Variants in TFF1 observed in about 807,000 individuals in gnomAD.
TFF1 encodes breast cancer estrogen-inducible protein.
Under a neutral mutation model 7.7 loss-of-function variants are expected in TFF1, and 8 were observed. The ratio of observed to expected loss-of-function variants is 1.04; its 90% CI spans 0.61 to 1.87. The LOEUF is 1.87. Ranked by LOEUF, TFF1 falls within the 40% of genes most tolerant of loss-of-function variation. TFF1 has a pLI of 0.00. For synonymous variants in TFF1, 47 were observed against 44.8 expected (o/e 1.05, Z -0.19); for missense variants, 120 against 113.4 (o/e 1.06, Z -0.26).
In TFF1 at chr21:42,366,527, G is replaced by A. The variant is rs1164354030; in HGVS notation, c.-32C>T. 4 of 1,588,768 alleles carry A rather than the reference G, an allele frequency of 2.5e-6. No homozygotes were observed. The highest frequency in any genetic ancestry group is 3.4e-6 in the Non-Finnish European group (4 of 1,161,634). On this transcript the variant is annotated 5_prime_UTR_variant, in exon 1 of 3. Coordinates refer to ENST00000291527, the MANE Select transcript of TFF1 (RefSeq NM_003225.3). ...CTCTCTGCTCCAAAGGCGACCCCGAGTCAGGGATGAGAGGCCGCCCGAGCC... is the reference window on the plus strand; with the variant it reads ...CTCTCTGCTCCAAAGGCGACCCCGAATCAGGGATGAGAGGCCGCCCGAGCC...
chr21:42,363,037 CG>C (rs1380644082), intron 2 of TFF1, among the ~76,000 whole-genome samples: 2 of 152,020 alleles, frequency 1.3e-5, no homozygotes, highest in African/African-American at 4.8e-5. Context: ...GAAGAGAAGC[CG>C]GGGGGAAATC....
chr21:42,365,930 G>T (rs1018858688), intron 1 of TFF1, among the ~76,000 whole-genome samples: 7 of 152,192 alleles, frequency 4.6e-5, no homozygotes, highest in African/African-American at 1.7e-4. Flanking sequence ...ACCTGTAGGA[G>T]AGGGTCTCCC....
In TFF1 at chr21:42,362,420, T is replaced by C; in HGVS notation, c.*59A>G. ...GGAGGTGGCAGCCGAGCTCTGGGAC[T>C]AATCACCGTGCTGGGGACGGCACCG... On this transcript the variant is annotated 3_prime_UTR_variant, in exon 3 of 3. Coordinates refer to ENST00000291527, the MANE Select transcript of TFF1 (RefSeq NM_003225.3). 6.4e-7 allele frequency: 1 copy of C among 1,553,216 alleles called. No individual in the cohort carries two copies. Among genetic ancestry groups the C allele is most frequent in the Non-Finnish European group, 8.7e-7 (1 of 1,150,034 alleles).
rs989664088 is a variant in TFF1, at chr21:42,362,313, A to G, written c.*166T>C. On this transcript the variant is annotated 3_prime_UTR_variant, in exon 3 of 3. Coordinates refer to ENST00000291527, the MANE Select transcript of TFF1 (RefSeq NM_003225.3). ...TCGATCTCTTTTAATTTTTAGGCCA[A>G]TTTTGAGTAGTCAAAGTCAGAGCAG... 1.0e-5 allele frequency: 7 copies of G among 699,186 alleles called. No individual in the cohort carries two copies. Among genetic ancestry groups the G allele is most frequent in the Admixed American group, 3.3e-5 (1 of 30,314 alleles). 43.3% of individuals were successfully genotyped at this position (699,186 alleles called of 1,614,324 possible).
At chr21:42,363,457 G>C (rs535828908) in intron 1 of TFF1, 50 bp from the exon 2 acceptor site, 68 of 1,584,652 alleles carry the variant, frequency 4.3e-5, no homozygotes, top group Non-Finnish European at 5.7e-5. Context: ...TGAATTCCTT[G>C]ATGTTATCAT....
At position 42,365,293 on chromosome 21, in the gene TFF1, C is replaced by A. The variant is rs533420176; in HGVS notation, c.85+1118G>T. ...CTGGGGGCTGGGGTGGGGGCAAGGG[C>A]GCAGGCAGATGGGCCTGGGGGTGGC... On this transcript the variant is annotated intron_variant, in intron 1 of 2. Coordinates refer to ENST00000291527, the MANE Select transcript of TFF1 (RefSeq NM_003225.3). Among the ~76,000 whole-genome samples, 66 of 151,586 alleles carry A rather than the reference C, an allele frequency of 4.4e-4. 1 individual carries two copies. The highest frequency in any genetic ancestry group is 1.5e-3 in the African/African-American group (61 of 41,308).
rs751425242 is a variant in TFF1, at chr21:42,362,508, G to C, written c.239-13C>G. 2 of 1,577,028 alleles carry C rather than the reference G, an allele frequency of 1.3e-6. No homozygotes were observed. Among genetic ancestry groups the C allele is most frequent in the South Asian group, 1.2e-5 (1 of 84,930 alleles). ...AATTCACACTCCTCTACAGGGGTGA[G>C]GGGGAGGGAGAAAGAGATGCTTTAG... On this transcript the variant is annotated splice_polypyrimidine_tract_variant and intron_variant, in intron 2 of 2. Coordinates refer to ENST00000291527, the MANE Select transcript of TFF1 (RefSeq NM_003225.3).
Position 42,366,433 on chromosome 21 carries a change from G to C in TFF1, c.63C>G (p.Gly21=). 6.2e-7 allele frequency: 1 copy of C among 1,612,036 alleles called. No homozygotes were observed. The highest frequency in any genetic ancestry group is 8.5e-7 in the Non-Finnish European group (1 of 1,178,566). The change falls in exon 1 of 3, where the codon GGC becomes GGG. Residue 21 remains glycine, a synonymous_variant. Transcript: ENST00000291527. ...TACCTGTCTGGGCCTCGGCCAGGGTGCCGAGGGCCAGCATGGACACCAGGA... is the reference window on the plus strand; with the variant it reads ...TACCTGTCTGGGCCTCGGCCAGGGTCCCGAGGGCCAGCATGGACACCAGGA... ...ALVLVSMLAL[G]TLAEAQTETC...
chr21:42,362,628 C>A lies in TFF1; in HGVS notation c.239-133G>T, dbSNP rs2052246798. 5 of 1,128,804 alleles carry A rather than the reference C, an allele frequency of 4.4e-6. No homozygotes were observed. The East Asian group carries it at 1.4e-4, about 32-fold the overall frequency. 69.9% of individuals were successfully genotyped at this position (1,128,804 alleles called of 1,614,324 possible). A position where few individuals can be genotyped will look rare whatever the true frequency, so the allele number is the denominator to read the frequency against. ...TTCTTTAGAAAACATGAACTGTCAG[C>A]CGGGCACGGTGGCTCACGCCTGTAA... On this transcript the variant is annotated intron_variant, in intron 2 of 2. Coordinates refer to ENST00000291527, the MANE Select transcript of TFF1 (RefSeq NM_003225.3).
Position 42,362,321 on chromosome 21 carries a change from T to C in TFF1, c.*158A>G, listed in dbSNP as rs72561488. On this transcript the variant is annotated 3_prime_UTR_variant, in exon 3 of 3. Coordinates refer to ENST00000291527, the MANE Select transcript of TFF1 (RefSeq NM_003225.3). ...TTTTAATTTTTAGGCCAATTTTGAG[T>C]AGTCAAAGTCAGAGCAGTCAATCTG... 6.2e-4 allele frequency: 447 copies of C among 718,880 alleles called. 1 individual carries two copies. Among genetic ancestry groups the C allele is most frequent in the African/African-American group, 6.1e-3 (330 of 54,220 alleles). 44.5% of individuals were successfully genotyped at this position (718,880 alleles called of 1,614,324 possible).
intron 1 of TFF1, 107 bp downstream of exon 1, chr21:42,366,304 C>G: frequency 1.2e-6 from 1 of 804,230 alleles, no homozygotes; most frequent in Non-Finnish European, 1.9e-6. Context: ...TAGAACAGCA[C>G]CTGGCACAAA....
chr21:42,362,646 G>T, intron 2 of TFF1, 151 bp from the exon 3 acceptor site: 1 of 938,062 alleles, frequency 1.1e-6, no homozygotes, highest in Non-Finnish European at 1.5e-6. Context: ...GGTGGCTCAC[G>T]CCTGTAATCC....
At chr21:42,362,616 A>G in intron 2 of TFF1, 121 bp from the exon 3 acceptor site, 1 of 1,241,722 alleles carries the variant, frequency 8.1e-7, no homozygotes, top group Non-Finnish European at 1.1e-6. Flanking sequence ...TTTAGAAAAC[A>G]TGAACTGTCA....
chr21:42,365,520 G>T (rs547239980), intron 1 of TFF1, among the ~76,000 whole-genome samples: 123 of 152,278 alleles, frequency 8.1e-4, no homozygotes, highest in African/African-American at 2.8e-3. Context: ...GGGCAGTGGG[G>T]GCACGGACAG....
At chr21:42,363,963 C>T (rs777977069) in intron 1 of TFF1, among the ~76,000 whole-genome samples, 10 of 152,030 alleles carry the variant, frequency 6.6e-5, no homozygotes, top group Non-Finnish European at 1.0e-4. Flanking sequence ...AAAAATTAGG[C>T]GGGCATTGTG....
intron 2 of TFF1, 93 bp from the exon 3 acceptor site, chr21:42,362,588 G>T: frequency 7.1e-7 from 1 of 1,399,286 alleles, no homozygotes; most frequent in Non-Finnish European, 9.7e-7. Flanking sequence ...TTACTTTAAA[G>T]TATCCATAGG....
chr21:42,366,128 GACACTTGGGAGGATTGTATAGTCTTCCTA>G (rs2052277420), intron 1 of TFF1, among the ~76,000 whole-genome samples: 2 of 152,160 alleles, frequency 1.3e-5, no homozygotes, highest in Non-Finnish European at 2.9e-5. Flanking sequence ...TTTGAAACAT[GACACTTGGGAGGATTGTATAGTCTTCCTA>G]ACACAGGAAA....
chr21:42,363,501 A>C (rs1283883156), intron 1 of TFF1, 94 bp from the exon 2 acceptor site: 1 of 1,446,030 alleles, frequency 6.9e-7, no homozygotes, highest in Non-Finnish European at 9.3e-7. Context: ...CTCCAATGAC[A>C]TCAGCAACTG....
At chr21:42,363,548 A>T in intron 1 of TFF1, 141 bp from the exon 2 acceptor site, 1 of 1,101,838 alleles carries the variant, frequency 9.1e-7, no homozygotes, top group Non-Finnish European at 1.3e-6. Flanking sequence ...AGGACATGAG[A>T]GGGAGACGTG....
Sources: allele counts gnomAD v4.1 joint callset (sites outside exome capture counted in the v4.1 genomes callset), GRCh38; gene constraint gnomAD v4.1.1; transcripts MANE v1.5; gene names NCBI Gene and HGNC (gene_info 2026-07-23, HGNC 2026-07-21).